PRKG1: variants seen among roughly 807,000 people sequenced by gnomAD.
PRKG1 encodes the protein cGMP-dependent protein kinase 1.
A neutral mutation model predicts 88.1 loss-of-function variants in PRKG1; 35 were observed. The ratio of observed to expected loss-of-function variants is 0.40; its 90% CI spans 0.30 to 0.53. The LOEUF (loss-of-function observed/expected upper bound fraction) is 0.53, where lower values mean the gene tolerates loss of function less well. Ranked by LOEUF, PRKG1 falls within the 20% of genes least tolerant of loss-of-function variation. PRKG1 has a pLI of 0.59. For synonymous variants in PRKG1, 303 were observed against 292.5 expected, an observed-to-expected ratio of 1.04 and a Z score of -0.37; for missense variants, 540 against 839.8, an observed-to-expected ratio of 0.64 and a Z score of 4.41.
chr10:51,508,027 G>A lies in PRKG1; in HGVS notation c.592+40191G>A, dbSNP rs755133250. Among the ~76,000 whole-genome samples, 56 of 152,242 alleles carry A rather than the reference G, an allele frequency of 3.7e-4. 1 individual carries two copies. The Middle Eastern group carries it at 0.01, about 28-fold the overall frequency. ...ACAGCAATTTAATGATTAAGTGTAT[G>A]GGCTGTGGAGTCTGATAGTCCAGAT... On this transcript the variant is annotated intron_variant, in intron 3 of 17. Transcript: ENST00000373980.
Position 51,853,519 on chromosome 10 carries a change from G to C in PRKG1, c.698+48829G>C, listed in dbSNP as rs146731182. On this transcript the variant is annotated intron_variant, in intron 4 of 17. Coordinates refer to ENST00000373980, the MANE Select transcript of PRKG1 (RefSeq NM_006258.4). ...AGTATATTTTATAACATTTTCAATT[G>C]TCTATTAGTACAGTGTGTACTTTAA... is the stretch of plus-strand genomic sequence containing the variant. 5.1e-3 allele frequency among the ~76,000 whole-genome samples: 781 copies of C among 152,228 alleles called. 9 individuals are homozygous for C. The highest frequency in any genetic ancestry group is 0.018 in the African/African-American group (766 of 41,550).
intron 1 of PRKG1, among the ~76,000 whole-genome samples, chr10:51,048,916 G>T (rs1564581282): frequency 6.6e-6 from 1 of 151,698 alleles, no homozygotes. Flanking sequence ...AGTCAATAAC[G>T]CTAAGCTTGG....
intron 7 of PRKG1, chr10:52,128,556 A>G: frequency 1.0e-6 from 1 of 985,342 alleles, no homozygotes; most frequent in Non-Finnish European, 1.2e-6. Flanking sequence ...GTGCACGGAA[A>G]CCTATATTTG....
chr10:51,443,161 T>C (rs763884679), intron 2 of PRKG1, among the ~76,000 whole-genome samples: 14 of 152,080 alleles, frequency 9.2e-5, no homozygotes, highest in Non-Finnish European at 1.6e-4. Flanking sequence ...TACCCTACCA[T>C]ATTCCTTAAT....
chr10:51,616,073 A>G (rs1019256979), intron 3 of PRKG1, among the ~76,000 whole-genome samples: 4 of 152,206 alleles, frequency 2.6e-5, no homozygotes, highest in African/African-American at 9.7e-5. Context: ...ATCTGGCTAT[A>G]AACAGCATCA....
intron 5 of PRKG1, among the ~76,000 whole-genome samples, chr10:51,918,932 A>C (rs911407890): frequency 6.6e-6 from 1 of 152,168 alleles, no homozygotes; most frequent in African/African-American, 2.4e-5. Flanking sequence ...CTAAGGCATA[A>C]ATCAATGAAG....
chr10:51,625,434 G>T (rs368074076), intron 3 of PRKG1, among the ~76,000 whole-genome samples: 1 of 152,140 alleles, frequency 6.6e-6, no homozygotes, highest in African/African-American at 2.4e-5. Context: ...CTGAGACTGT[G>T]CCTTTGCACT....
chr10:52,042,365 A>C (rs1423531247), intron 5 of PRKG1, among the ~76,000 whole-genome samples: 3 of 152,192 alleles, frequency 2.0e-5, no homozygotes, highest in African/African-American at 7.2e-5. Flanking sequence ...TGGTACTAGC[A>C]TAAAAACGGA....
chr10:51,887,701 C>T (rs1483589592), intron 4 of PRKG1, among the ~76,000 whole-genome samples: 1 of 152,152 alleles, frequency 6.6e-6, no homozygotes, highest in Non-Finnish European at 1.5e-5. Flanking sequence ...TTTTCGTATA[C>T]CTACCGGCAT....
intron 1 of PRKG1, among the ~76,000 whole-genome samples, chr10:51,058,477 T>G (rs1843657735): frequency 6.6e-6 from 1 of 152,018 alleles, no homozygotes; most frequent in Non-Finnish European, 1.5e-5. Flanking sequence ...ATTCATAACC[T>G]CCCCCACTAT....
intron 1 of PRKG1, among the ~76,000 whole-genome samples, chr10:51,089,597 A>G (rs982679033): frequency 6.6e-6 from 1 of 152,150 alleles, no homozygotes; most frequent in Non-Finnish European, 1.5e-5. Flanking sequence ...CCTATAAAAA[A>G]CTTTTCACCT....
At chr10:51,804,816 G>GT (rs1344580931) in intron 4 of PRKG1, 126 bp downstream of exon 4, 11 of 636,518 alleles carry the variant, frequency 1.7e-5, no homozygotes, top group Admixed American at 6.7e-5. Context: ...CTACAAATGT[G>GT]TAGAGATGTA....
At chr10:51,169,558 C>T (rs1004047488) in intron 2 of PRKG1, among the ~76,000 whole-genome samples, 1 of 146,124 alleles carries the variant, frequency 6.8e-6, no homozygotes, top group African/African-American at 2.7e-5. Flanking sequence ...AGGTAAGCAA[C>T]ATTGGAAGAT....
chr10:51,963,380 T>C (rs1426192815), intron 5 of PRKG1, among the ~76,000 whole-genome samples: 2 of 152,156 alleles, frequency 1.3e-5, no homozygotes, highest in Non-Finnish European at 2.9e-5. Context: ...AAAAGATGTG[T>C]TTTTATATTA....
At chr10:51,067,752 A>C (rs1256155838) in intron 1 of PRKG1, among the ~76,000 whole-genome samples, 1 of 152,086 alleles carries the variant, frequency 6.6e-6, no homozygotes, top group Non-Finnish European at 1.5e-5. Flanking sequence ...AAAAAGTGTG[A>C]AATTTCCTAT....
At chr10:51,472,103 G>A (rs1219766353) in intron 3 of PRKG1, among the ~76,000 whole-genome samples, 2 of 151,770 alleles carry the variant, frequency 1.3e-5, no homozygotes, top group Middle Eastern at 3.2e-3. Context: ...GCCTTGGTTT[G>A]AATCTTTTTA....
At chr10:51,252,936 A>G (rs1839464281) in intron 2 of PRKG1, among the ~76,000 whole-genome samples, 1 of 151,842 alleles carries the variant, frequency 6.6e-6, no homozygotes, top group Admixed American at 6.6e-5. Flanking sequence ...ATAAAATGAA[A>G]GGCATTCTGG....
chr10:51,088,629 C>T (rs1387940103), intron 1 of PRKG1, among the ~76,000 whole-genome samples: 4 of 151,884 alleles, frequency 2.6e-5, no homozygotes, highest in Non-Finnish European at 2.9e-5. Flanking sequence ...TTTGTGGTGC[C>T]GTGTACATTT....
chr10:51,694,974 AGTT>A (rs1476611285), intron 3 of PRKG1, among the ~76,000 whole-genome samples: 1 of 152,162 alleles, frequency 6.6e-6, no homozygotes, highest in African/African-American at 2.4e-5. Flanking sequence ...AAATGGAAAT[AGTT>A]GTTATAGCTC....
Sources: allele counts gnomAD v4.1 joint callset (sites outside exome capture counted in the v4.1 genomes callset), GRCh38; gene constraint gnomAD v4.1.1; transcripts MANE v1.5; gene names NCBI Gene and HGNC (gene_info 2026-07-23, HGNC 2026-07-21).